Variants in RIMBP2 observed in about 807,000 individuals in gnomAD.
RIMBP2 encodes RIMS-binding protein 2.
RIMBP2 carries 48 observed loss-of-function variants against 118.6 expected under a neutral mutation model. That is an observed-to-expected ratio of 0.40 (90% CI 0.32 to 0.51). The LOEUF is 0.51. RIMBP2 is among the 20% of genes least tolerant of loss of function. The pLI is 0.41. For synonymous variants in RIMBP2, 762 were observed against 742.9 expected (o/e 1.03, Z -0.42); for missense variants, 1,551 against 1,768.3 (o/e 0.88, Z 2.20).
At position 130,406,102 on chromosome 12, in the gene RIMBP2, A is replaced by C. The variant is rs547868344; in HGVS notation, c.3765+70T>G. 5.4e-4 allele frequency: 574 copies of C among 1,054,448 alleles called. 1 individual carries two copies. In the African/African-American group the frequency reaches 7.9e-3, roughly 14 times the overall value. The allele number at this position is 1,054,448 out of a possible 1,614,324, so 65.3% of individuals were successfully genotyped here. ...ATTTTAAGAGAAGGAACGGACTAGCAAAACAAAACACACAAAATAAATGAA... is the reference window on the plus strand; with the variant it reads ...ATTTTAAGAGAAGGAACGGACTAGCCAAACAAAACACACAAAATAAATGAA... On this transcript the variant is annotated intron_variant, in intron 21 of 22. Transcript: ENST00000690449.
Position 130,523,843 on chromosome 12 carries a change from G to A in RIMBP2, c.-216-5926C>T, listed in dbSNP as rs545551706. ...AACGCCAGTTGCTATGGGGAGAGGT[G>A]AGAGGAATTCTCGGTATCTCCTGAT... On this transcript the variant is annotated intron_variant, in intron 2 of 22. Coordinates refer to ENST00000690449, the MANE Select transcript of RIMBP2 (RefSeq NM_001393629.1). This position sits in a 1 kb window ranked among gnomAD's most constrained non-coding sequence, Gnocchi z 4.4. 6.6e-6 allele frequency among the ~76,000 whole-genome samples: 1 copy of A among 152,318 alleles called. No homozygotes were observed. The highest frequency in any genetic ancestry group is 1.9e-4 in the East Asian group (1 of 5,172).
At chr12:130,502,773 G>T (rs1184191349) in intron 4 of RIMBP2, among the ~76,000 whole-genome samples, 1 of 152,202 alleles carries the variant, frequency 6.6e-6, no homozygotes, top group African/African-American at 2.4e-5. Context: ...CCTGGTGCCT[G>T]CAACAGTGCC....
chr12:130,614,004 T>C (rs945389763), intron 2 of RIMBP2, among the ~76,000 whole-genome samples: 3 of 152,118 alleles, frequency 2.0e-5, no homozygotes, highest in African/African-American at 7.2e-5. Flanking sequence ...GGCCTCTGAC[T>C]TTCTGCATGA....
chr12:130,420,636 C>G lies in RIMBP2; in HGVS notation c.3238+1817G>C, dbSNP rs2076355714. Among the ~76,000 whole-genome samples, 1 of 152,222 alleles carries G rather than the reference C, an allele frequency of 6.6e-6. No individual in the cohort carries two copies. The highest frequency in any genetic ancestry group is 1.9e-4 in the East Asian group (1 of 5,182). On this transcript the variant is annotated intron_variant, in intron 17 of 22. Coordinates refer to ENST00000690449, the MANE Select transcript of RIMBP2 (RefSeq NM_001393629.1). This position sits in a 1 kb window ranked among gnomAD's most constrained non-coding sequence, Gnocchi z 4.3. Reference sequence around the variant, plus strand: ...CAACAATATACAGCCATTTGAAAAGCAATACTGATCTAGGAAAATAGCAAA... The same window carrying G: ...CAACAATATACAGCCATTTGAAAAGGAATACTGATCTAGGAAAATAGCAAA...
At chr12:130,601,860 G>C (rs554583754) in intron 2 of RIMBP2, among the ~76,000 whole-genome samples, 2 of 152,188 alleles carry the variant, frequency 1.3e-5, no homozygotes, top group Admixed American at 6.5e-5. Flanking sequence ...TATGCAAATA[G>C]GTGTGACATA....
chr12:130,659,779 C>T (rs992107416), intron 1 of RIMBP2, among the ~76,000 whole-genome samples: 3 of 151,888 alleles, frequency 2.0e-5, no homozygotes, highest in African/African-American at 7.3e-5. Context: ...TAGATACCAG[C>T]CTGGCCAACA....
chr12:130,402,519 A>C (rs2074718072), intron 21 of RIMBP2, among the ~76,000 whole-genome samples: 1 of 152,028 alleles, frequency 6.6e-6, no homozygotes. Flanking sequence ...CCCCTTCAAA[A>C]GTGTACCATC....
chr12:130,501,186 C>T (rs949271961), intron 4 of RIMBP2, among the ~76,000 whole-genome samples: 1 of 152,184 alleles, frequency 6.6e-6, no homozygotes, highest in African/African-American at 2.4e-5. Context: ...ACCTTGAAGA[C>T]ACACCCCGAG....
intron 6 of RIMBP2, among the ~76,000 whole-genome samples, chr12:130,457,399 G>A (rs1306235640): frequency 6.6e-6 from 1 of 152,136 alleles, no homozygotes; most frequent in Non-Finnish European, 1.5e-5. Context: ...CTCCTTCCTC[G>A]GGTCAGGACA....
At position 130,523,221 on chromosome 12, in the gene RIMBP2, C is replaced by T. The variant is rs1330335452; in HGVS notation, c.-216-5304G>A. ...TCTGTGTTGGGGGGGGTTTCTCTGC[C>T]TCCATCTCTCTCTGTCCCCTACCCA... On this transcript the variant is annotated intron_variant, in intron 2 of 22. Transcript: ENST00000690449. The surrounding 1 kb of genome is among the most constrained non-coding windows in gnomAD (Gnocchi z 4.4). Among the ~76,000 whole-genome samples, 1 of 152,128 alleles carries T rather than the reference C, an allele frequency of 6.6e-6. No homozygotes were observed. The highest frequency in any genetic ancestry group is 1.5e-5 in the Non-Finnish European group (1 of 68,028).
intron 7 of RIMBP2, among the ~76,000 whole-genome samples, chr12:130,451,690 C>A (rs1431651139): frequency 6.6e-6 from 1 of 151,588 alleles, no homozygotes; most frequent in Non-Finnish European, 1.5e-5. Context: ...AGGCCGCAAA[C>A]CTCCTGCACC....
At chr12:130,693,478 C>T (rs1459703565) in intron 1 of RIMBP2, among the ~76,000 whole-genome samples, 2 of 152,092 alleles carry the variant, frequency 1.3e-5, no homozygotes, top group Admixed American at 6.5e-5. Context: ...AACTGGTGAC[C>T]CCCAAAGCCA....
chr12:130,402,316 G>A (rs1164014154), intron 21 of RIMBP2, among the ~76,000 whole-genome samples: 1 of 152,058 alleles, frequency 6.6e-6, no homozygotes, highest in Non-Finnish European at 1.5e-5. Flanking sequence ...GCGTTCTCAA[G>A]GGCACCCATC....
At chr12:130,433,978 C>G (rs751277364) in intron 14 of RIMBP2, among the ~76,000 whole-genome samples, 2 of 152,194 alleles carry the variant, frequency 1.3e-5, no homozygotes, top group African/African-American at 4.8e-5. Context: ...CCGGAGGAGT[C>G]GGGGGACTTG....
rs1368020572 is a variant in RIMBP2, at chr12:130,586,659, C to A, written c.-217+41663G>T. Among the ~76,000 whole-genome samples, 323 of 139,210 alleles carry A rather than the reference C, an allele frequency of 2.3e-3. 4 individuals carry two copies. Among genetic ancestry groups the A allele is most frequent in the African/African-American group, 8.6e-3 (313 of 36,542 alleles). 91.3% of individuals were successfully genotyped at this position (139,210 alleles called of 152,430 possible). ...GCTGAAACTGGATCCCTTCCTTACA[C>A]CTTATACAAAAATCAATTCAAGATG... is the stretch of plus-strand genomic sequence containing the variant. On this transcript the variant is annotated intron_variant, in intron 2 of 22. Coordinates refer to ENST00000690449, the MANE Select transcript of RIMBP2 (RefSeq NM_001393629.1).
chr12:130,524,300 G>A (rs1413868429), intron 2 of RIMBP2, among the ~76,000 whole-genome samples: 1 of 152,136 alleles, frequency 6.6e-6, no homozygotes, highest in Non-Finnish European at 1.5e-5. Flanking sequence ...CTCTACCTGT[G>A]GTTCCAGAGG....
chr12:130,621,261 G>A lies in RIMBP2; in HGVS notation c.-217+7061C>T, dbSNP rs543379052. 1.3e-5 allele frequency among the ~76,000 whole-genome samples: 2 copies of A among 152,274 alleles called. No individual in the cohort carries two copies. The highest frequency in any genetic ancestry group is 4.8e-5 in the African/African-American group (2 of 41,560). ...ATCCTCCCCATGAGAGAAAAGCAGG[G>A]GGCACGTGCCATGGTCGTACACAGC... On this transcript the variant is annotated intron_variant, in intron 2 of 22. Coordinates refer to ENST00000690449, the MANE Select transcript of RIMBP2 (RefSeq NM_001393629.1). The surrounding 1 kb of genome is among the most constrained non-coding windows in gnomAD (Gnocchi z 6.6).
intron 2 of RIMBP2, among the ~76,000 whole-genome samples, chr12:130,521,825 T>A (rs1180369309): frequency 6.6e-6 from 1 of 152,244 alleles, no homozygotes; most frequent in Non-Finnish European, 1.5e-5. Context: ...AGAAATGTAA[T>A]GGCTTTTTTT....
Position 130,431,999 on chromosome 12 carries a change from T to TG in RIMBP2, c.2253+2734dup, listed in dbSNP as rs544090067. 4.2e-3 allele frequency: 758 copies of TG among 182,584 alleles called. 3 individuals carry two copies. The highest frequency in any genetic ancestry group is 0.017 in the African/African-American group (735 of 42,140). The allele number at this position is 182,584 out of a possible 1,614,324, so 11.3% of individuals were successfully genotyped here. A position where few individuals can be genotyped will look rare whatever the true frequency, so the allele number is the denominator to read the frequency against. On this transcript the variant is annotated intron_variant, in intron 14 of 22. Coordinates refer to ENST00000690449, the MANE Select transcript of RIMBP2 (RefSeq NM_001393629.1). The surrounding 1 kb of genome is among the most constrained non-coding windows in gnomAD (Gnocchi z 4.0). ...GGCCTCAGTCACACTCAGCCCCAGG[T>TG]GGCCACATGTCAAGGGCTCTGGGGC... is the stretch of plus-strand genomic sequence containing the variant.
Sources: allele counts gnomAD v4.1 joint callset (sites outside exome capture counted in the v4.1 genomes callset), GRCh38; gene constraint gnomAD v4.1.1; non-coding constraint Gnocchi (gnomAD v3.1); transcripts MANE v1.5; gene names NCBI Gene and HGNC (gene_info 2026-07-23, HGNC 2026-07-21).